TMEM135: variants seen among roughly 807,000 people sequenced by gnomAD.
TMEM135 encodes transmembrane protein 135.
Under a neutral mutation model 60.3 loss-of-function variants are expected in TMEM135, and 30 were observed. The observed-to-expected ratio is 0.50, with a 90% CI of 0.37 to 0.68. The LOEUF (loss-of-function observed/expected upper bound fraction) is 0.68. Ranked by LOEUF, TMEM135 falls within the 30% of genes least tolerant of loss-of-function variation. The probability of loss-of-function intolerance (pLI) is 0.00; values close to 1 mark genes in which losing one functional copy is unlikely to be tolerated. For missense variants in TMEM135, 468 were observed against 548.8 expected (o/e 0.85, Z 1.47); for synonymous variants, 190 against 186.7 (o/e 1.02, Z -0.14).
intron 6 of TMEM135, among the ~76,000 whole-genome samples, chr11:87,275,292 G>C (rs1195803113): frequency 1.3e-5 from 2 of 151,948 alleles, no homozygotes; most frequent in African/African-American, 4.8e-5. Context: ...AACAAAGTGA[G>C]ATGCAGAAAA....
chr11:87,098,342 A>T (rs1434175975), intron 4 of TMEM135, among the ~76,000 whole-genome samples: 1 of 152,160 alleles, frequency 6.6e-6, no homozygotes, highest in Non-Finnish European at 1.5e-5. Context: ...TTGGTGCAAA[A>T]GTAATGGTGG....
At chr11:87,166,294 A>T (rs903113491) in intron 5 of TMEM135, among the ~76,000 whole-genome samples, 1 of 151,732 alleles carries the variant, frequency 6.6e-6, no homozygotes, top group African/African-American at 2.4e-5. Context: ...TGCTGTGCAG[A>T]AACTCTTTAG....
Position 87,323,397 on chromosome 11 carries a change from T to G in TMEM135, c.*2064T>G, listed in dbSNP as rs1439540254. 1 of 454,012 alleles carries G rather than the reference T, an allele frequency of 2.2e-6. No homozygotes were observed. Among genetic ancestry groups the G allele is most frequent in the East Asian group, 6.9e-5 (1 of 14,392 alleles). 28.1% of individuals were successfully genotyped at this position (454,012 alleles called of 1,614,324 possible). On this transcript the variant is annotated 3_prime_UTR_variant, in exon 15 of 15. Transcript: ENST00000305494. ...GGACAGACTGCAAAGTGTAGTTGTT[T>G]GAGCAAACACAAAGAAACTTTGTGT...
intron 5 of TMEM135, among the ~76,000 whole-genome samples, chr11:87,162,552 C>A (rs956665242): frequency 7.8e-6 from 1 of 128,792 alleles, no homozygotes; most frequent in Non-Finnish European, 1.6e-5. Context: ...GACATGAAGT[C>A]ATCCCTTTTA....
chr11:87,143,194 A>G (rs1424274138), intron 4 of TMEM135, among the ~76,000 whole-genome samples: 1 of 151,988 alleles, frequency 6.6e-6, no homozygotes, highest in Non-Finnish European at 1.5e-5. Context: ...TTCTGTTGAA[A>G]TTCCTTATTT....
chr11:87,115,717 A>G (rs1029191210), intron 4 of TMEM135, among the ~76,000 whole-genome samples: 1 of 152,114 alleles, frequency 6.6e-6, no homozygotes, highest in Admixed American at 6.5e-5. Context: ...TTTACTTATA[A>G]CATCAACATT....
chr11:87,137,472 T>A (rs529966307), intron 4 of TMEM135, among the ~76,000 whole-genome samples: 7 of 152,270 alleles, frequency 4.6e-5, no homozygotes, highest in African/African-American at 1.7e-4. Context: ...CTTAAAAAAA[T>A]TTATGATAAT....
intron 4 of TMEM135, among the ~76,000 whole-genome samples, chr11:87,144,709 A>AGTGTGT (rs4014711): frequency 0.21 from 30,737 of 146,942 alleles, 3,695 homozygotes; most frequent in East Asian, 0.55. Flanking sequence ...TGTGTGTGAA[A>AGTGTGT]GTGTGTGTGT....
At chr11:87,076,927 A>T (rs1015559257) in intron 3 of TMEM135, among the ~76,000 whole-genome samples, 2 of 152,198 alleles carry the variant, frequency 1.3e-5, no homozygotes, top group Admixed American at 1.3e-4. Context: ...ATTTAACTGT[A>T]GTATAATATA....
intron 6 of TMEM135, among the ~76,000 whole-genome samples, chr11:87,243,256 C>A: frequency 7.2e-6 from 1 of 138,872 alleles, no homozygotes; most frequent in African/African-American, 2.7e-5. Flanking sequence ...GTTACTGTAG[C>A]CTTGTAGTAT....
At chr11:87,183,837 T>C (rs1939582521) in intron 5 of TMEM135, among the ~76,000 whole-genome samples, 1 of 151,112 alleles carries the variant, frequency 6.6e-6, no homozygotes, top group Non-Finnish European at 1.5e-5. Flanking sequence ...GCGCCTGTAA[T>C]CCCAGCTAGT....
chr11:87,278,523 G>A (rs1049570052), intron 6 of TMEM135, among the ~76,000 whole-genome samples: 12 of 151,638 alleles, frequency 7.9e-5, no homozygotes, highest in Non-Finnish European at 1.2e-4. Flanking sequence ...CTGCCACCAC[G>A]CCCAGATAAT....
At chr11:87,202,167 A>C (rs573483728) in intron 5 of TMEM135, among the ~76,000 whole-genome samples, 1 of 152,256 alleles carries the variant, frequency 6.6e-6, no homozygotes, top group South Asian at 2.1e-4. Flanking sequence ...CTGGGACTAC[A>C]GGAGTGCACC....
chr11:87,188,144 T>C (rs1365574133), intron 5 of TMEM135, among the ~76,000 whole-genome samples: 1 of 152,122 alleles, frequency 6.6e-6, no homozygotes, highest in East Asian at 1.9e-4. Context: ...GGTGTTCTTA[T>C]GCTTGATTCT....
chr11:87,289,717 A>G (rs1367614983), intron 6 of TMEM135, among the ~76,000 whole-genome samples: 1 of 151,992 alleles, frequency 6.6e-6, no homozygotes, highest in Non-Finnish European at 1.5e-5. Flanking sequence ...TGGCTTCCCA[A>G]AGTGCTGGGA....
At chr11:87,053,464 A>T (rs1408068248) in intron 1 of TMEM135, among the ~76,000 whole-genome samples, 5 of 152,152 alleles carry the variant, frequency 3.3e-5, no homozygotes, top group African/African-American at 7.2e-5. Context: ...CATATTAGTT[A>T]TTGAGTACTT....
intron 1 of TMEM135, among the ~76,000 whole-genome samples, chr11:87,058,428 C>T (rs1949914451): frequency 6.6e-6 from 1 of 151,760 alleles, no homozygotes; most frequent in Non-Finnish European, 1.5e-5. Context: ...CTCCTGGGTT[C>T]AAGTGATTCT....
intron 6 of TMEM135, among the ~76,000 whole-genome samples, chr11:87,268,255 A>ATATTTATTTATTTATTTATT (rs56802824): frequency 1.5e-5 from 2 of 136,800 alleles, no homozygotes; most frequent in Non-Finnish European, 3.1e-5. Flanking sequence ...CCACACCTAG[A>ATATTTATTTATTTATTTATT]TATTTATTTA....
chr11:87,062,455 A>G (rs1187109881), intron 1 of TMEM135, among the ~76,000 whole-genome samples: 1 of 75,452 alleles, frequency 1.3e-5, no homozygotes, highest in Non-Finnish European at 2.4e-5. Context: ...AATTCTTCTA[A>G]TATCATTTAT....
Sources: allele counts gnomAD v4.1 joint callset (sites outside exome capture counted in the v4.1 genomes callset), GRCh38; gene constraint gnomAD v4.1.1; transcripts MANE v1.5; gene names NCBI Gene and HGNC (gene_info 2026-07-23, HGNC 2026-07-21).